Variants in CAST observed in about 807,000 individuals in gnomAD.
CAST encodes MIR583 host.
CAST carries 76 observed loss-of-function variants against 119.6 expected under a neutral mutation model. The ratio of observed to expected loss-of-function variants is 0.64; its 90% CI spans 0.53 to 0.77. The LOEUF is 0.77. Ranked by LOEUF, CAST falls within the 30% of genes least tolerant of loss-of-function variation. The probability of loss-of-function intolerance (pLI) is 0.00; values close to 1 mark genes in which losing one functional copy is unlikely to be tolerated. For missense variants in CAST, 953 were observed against 946.5 expected (o/e 1.01, Z -0.09); for synonymous variants, 319 against 331.6 (o/e 0.96, Z 0.41).
the CAST span, among the ~76,000 whole-genome samples, chr5:96,272,061 G>A: frequency 6.6e-6 from 1 of 152,048 alleles, no homozygotes; most frequent in Non-Finnish European, 1.5e-5. Context: ...ACCATAATGA[G>A]ATATCACCTC....
At chr5:96,298,327 TACAG>T in the CAST span, among the ~76,000 whole-genome samples, 1 of 152,250 alleles carries the variant, frequency 6.6e-6, no homozygotes, top group African/African-American at 2.4e-5. Flanking sequence ...AGCTGAGTAA[TACAG>T]ACCACCCTTG....
intron 3 of CAST, among the ~76,000 whole-genome samples, chr5:96,722,192 T>C (rs1197136006): frequency 6.6e-6 from 1 of 152,182 alleles, no homozygotes; most frequent in Non-Finnish European, 1.5e-5. Context: ...AAGCTCAAAG[T>C]CACAGAGCTT....
At chr5:96,561,294 A>ATGT (rs1746354642) in intron 1 of CAST, among the ~76,000 whole-genome samples, 1 of 152,008 alleles carries the variant, frequency 6.6e-6, no homozygotes, top group South Asian at 2.1e-4. Flanking sequence ...AACATGGCAC[A>ATGT]TGTATACATA....
chr5:96,254,322 A>G, the CAST span, among the ~76,000 whole-genome samples: 4 of 152,176 alleles, frequency 2.6e-5, no homozygotes, highest in African/African-American at 9.6e-5. Context: ...ACTTTATGTT[A>G]TTACTTATTT....
At chr5:96,516,382 G>C in the CAST span, among the ~76,000 whole-genome samples, 1 of 151,856 alleles carries the variant, frequency 6.6e-6, no homozygotes, top group Non-Finnish European at 1.5e-5. Context: ...AAAAAAATGA[G>C]AGTTGTTTGG....
At chr5:96,199,219 A>G in the CAST span, among the ~76,000 whole-genome samples, 1 of 152,170 alleles carries the variant, frequency 6.6e-6, no homozygotes, top group Non-Finnish European at 1.5e-5. Flanking sequence ...GAAGATGGAT[A>G]TATCTCATCA....
chr5:96,126,781 C>T, the CAST span, among the ~76,000 whole-genome samples: 2 of 151,950 alleles, frequency 1.3e-5, no homozygotes, highest in African/African-American at 2.4e-5. Context: ...TCTATAATAG[C>T]GTTATGCAGA....
At chr5:96,726,535 G>A (rs1048137230) in intron 4 of CAST, among the ~76,000 whole-genome samples, 2 of 152,000 alleles carry the variant, frequency 1.3e-5, no homozygotes, top group Non-Finnish European at 2.9e-5. Context: ...GGAAAGGAAA[G>A]GAATGAGAAA....
chr5:96,754,546 G>A, intron 21 of CAST, 112 bp from the exon 22 acceptor site: 1 of 704,838 alleles, frequency 1.4e-6, no homozygotes, highest in Non-Finnish European at 2.5e-6. Context: ...ACGGTCATAT[G>A]TACTTCCTAA....
chr5:96,232,487 G>C, the CAST span, among the ~76,000 whole-genome samples: 1 of 152,028 alleles, frequency 6.6e-6, no homozygotes, highest in Non-Finnish European at 1.5e-5. Flanking sequence ...AAGGACATTT[G>C]GAAAACCTAA....
intron 1 of CAST, among the ~76,000 whole-genome samples, chr5:96,531,866 G>T (rs1745695592): frequency 6.6e-6 from 1 of 152,124 alleles, no homozygotes; most frequent in Non-Finnish European, 1.5e-5. Context: ...ATTAAAATGT[G>T]ACTTCAAAAT....
chr5:96,548,838 G>A (rs1209098324), intron 1 of CAST, among the ~76,000 whole-genome samples: 1 of 152,196 alleles, frequency 6.6e-6, no homozygotes, highest in Non-Finnish European at 1.5e-5. Flanking sequence ...CCAAAATTCA[G>A]TATAAGTATG....
chr5:96,760,661 C>T (rs1034066957), intron 24 of CAST: 3 of 151,606 alleles, frequency 2.0e-5, no homozygotes, highest in Admixed American at 2.0e-4. Flanking sequence ...TTAGTAACAA[C>T]AGATGAGAAA....
chr5:96,167,724 C>T, the CAST span, among the ~76,000 whole-genome samples: 7 of 152,292 alleles, frequency 4.6e-5, no homozygotes, highest in Admixed American at 6.5e-5. Flanking sequence ...GAAGAAATGA[C>T]GGCGGTGGCC....
the CAST span, among the ~76,000 whole-genome samples, chr5:96,086,534 G>A: frequency 6.6e-5 from 10 of 152,268 alleles, no homozygotes; most frequent in African/African-American, 2.4e-4. Context: ...ACCAAAGTAG[G>A]AAAGCAAAGA....
the CAST span, among the ~76,000 whole-genome samples, chr5:96,194,954 T>A: frequency 1.7e-4 from 26 of 152,332 alleles, no homozygotes; most frequent in African/African-American, 6.3e-4. Context: ...CAGGCATACC[T>A]TGGATGATAA....
chr5:96,465,507 A>G, the CAST span, among the ~76,000 whole-genome samples: 2 of 152,070 alleles, frequency 1.3e-5, no homozygotes, highest in East Asian at 3.9e-4. Context: ...TTATTCGCCA[A>G]ATTCTTTTTT....
At chr5:96,365,892 C>T in the CAST span, among the ~76,000 whole-genome samples, 3 of 152,138 alleles carry the variant, frequency 2.0e-5, no homozygotes, top group African/African-American at 7.2e-5. Context: ...GGTTATTTTG[C>T]TCATTAGTTG....
chr5:96,057,754 A>T, the CAST span, among the ~76,000 whole-genome samples: 1 of 152,164 alleles, frequency 6.6e-6, no homozygotes, highest in African/African-American at 2.4e-5. Context: ...CTAAACTTGG[A>T]AAGAACTAAC....
Sources: allele counts gnomAD v4.1 joint callset (sites outside exome capture counted in the v4.1 genomes callset), GRCh38; gene constraint gnomAD v4.1.1; transcripts MANE v1.5; gene names NCBI Gene and HGNC (gene_info 2026-07-23, HGNC 2026-07-21).